CDKN2C: variants seen among roughly 807,000 people sequenced by gnomAD.
CDKN2C encodes the protein cyclin-dependent kinase 4 inhibitor C.
A neutral mutation model predicts 11.0 loss-of-function variants in CDKN2C; 5 were observed. The ratio of observed to expected loss-of-function variants is 0.45; its 90% confidence interval spans 0.24 to 0.95. The LOEUF (loss-of-function observed/expected upper bound fraction) is 0.95. Ranked by LOEUF, CDKN2C falls within the 40% of genes least tolerant of loss-of-function variation. The pLI is 0.21. For synonymous variants in CDKN2C, 79 were observed against 88.3 expected (o/e 0.89, Z 0.59); for missense variants, 161 against 211.9 (o/e 0.76, Z 1.49).
At chr1:50,964,056 G>C (rs1645336588) in intron 1 of CDKN2C, among the ~76,000 whole-genome samples, 1 of 151,898 alleles carries the variant, frequency 6.6e-6, no homozygotes, top group African/African-American at 2.4e-5. Flanking sequence ...AGACAGTACA[G>C]AATGTTCCTA....
At chr1:50,971,170 A>G (rs1057077101) in intron 1 of CDKN2C, among the ~76,000 whole-genome samples, 7 of 152,244 alleles carry the variant, frequency 4.6e-5, no homozygotes, top group Non-Finnish European at 8.8e-5. Flanking sequence ...TTAGATTTAC[A>G]GGCAACAATT....
At position 50,964,099 on chromosome 1, in the gene CDKN2C, C is replaced by T. The variant is rs897747830; in HGVS notation, c.-1976+3296C>T. On this transcript the variant is annotated intron_variant, in intron 1 of 3. Transcript: ENST00000262662. ...TTAGCCCATTTTTCTCTAATGTTAC[C>T]ATCTTATTTAACATGGTACATCTAT... Among the ~76,000 whole-genome samples, 6 of 151,836 alleles carry T rather than the reference C, an allele frequency of 4.0e-5. No individual in the cohort carries two copies. In the East Asian group the frequency reaches 1.2e-3, roughly 29 times the overall value.
intron 1 of CDKN2C, among the ~76,000 whole-genome samples, chr1:50,961,870 T>G (rs1430457558): frequency 6.6e-6 from 1 of 152,228 alleles, no homozygotes; most frequent in Non-Finnish European, 1.5e-5. Context: ...AATATATTCA[T>G]GAGAAATCAG....
chr1:50,971,577 A>C (rs1429275940), intron 1 of CDKN2C, among the ~76,000 whole-genome samples: 2 of 152,220 alleles, frequency 1.3e-5, no homozygotes, highest in Non-Finnish European at 2.9e-5. Context: ...TTGCTGCTAC[A>C]TTAAGTAATG....
Position 50,974,349 on chromosome 1 carries a change from TA to T in CDKN2C, c.*83del, listed in dbSNP as rs761322008. ...TCTCCTGACTTTTAATGTCATTTGT[TA>T]AAATACAGTTCTGTCATATGTTAAG... On this transcript the variant is annotated 3_prime_UTR_variant, in exon 2 of 2. Transcript: ENST00000371761. 1 of 1,398,640 alleles carries T rather than the reference TA, an allele frequency of 7.1e-7. No homozygotes were observed. The highest frequency in any genetic ancestry group is 9.6e-7 in the Non-Finnish European group (1 of 1,039,714). The allele number at this position is 1,398,640 out of a possible 1,614,324, so 86.6% of individuals were successfully genotyped here. A position where few individuals can be genotyped will look rare whatever the true frequency, so the allele number is the denominator to read the frequency against.
upstream of CDKN2C, among the ~76,000 whole-genome samples, chr1:50,966,068 A>C (rs1570199155): frequency 2.0e-5 from 3 of 151,560 alleles, no homozygotes; most frequent in African/African-American, 7.3e-5. Context: ...TGACTGAATC[A>C]CATTTCTATT....
At chr1:50,961,004 G>A (rs1194731125) in intron 1 of CDKN2C, among the ~76,000 whole-genome samples, 2 of 137,350 alleles carry the variant, frequency 1.5e-5, no homozygotes, top group Non-Finnish European at 3.1e-5. Context: ...TTTGAATATA[G>A]TCAGTCTATT....
chr1:50,969,274 G>C (rs1211903194), upstream of CDKN2C: 2 of 153,750 alleles, frequency 1.3e-5, no homozygotes, highest in Non-Finnish European at 2.9e-5. The surrounding 1 kb of genome is among the most constrained non-coding windows in gnomAD (Gnocchi z 6.6). Flanking sequence ...AAAGGACAGC[G>C]GCGGCAGCAG....
intron 1 of CDKN2C, 24 bp downstream of exon 1, chr1:50,970,521 AAAC>A (rs1645374242): frequency 1.9e-6 from 3 of 1,613,738 alleles, no homozygotes; most frequent in Middle Eastern, 1.6e-4. Context: ...GAGGTGGGGA[AAAC>A]AAGTCAATAA....
intron 1 of CDKN2C, among the ~76,000 whole-genome samples, chr1:50,963,865 T>G (rs1189159239): frequency 6.6e-6 from 1 of 152,184 alleles, no homozygotes; most frequent in Non-Finnish European, 1.5e-5. Context: ...AATTTATCTA[T>G]TCTCATAGTT....
At chr1:50,967,157 T>A (rs1645350617), upstream of CDKN2C, among the ~76,000 whole-genome samples, 1 of 152,220 alleles carries the variant, frequency 6.6e-6, no homozygotes, top group African/African-American at 2.4e-5. Flanking sequence ...TTCTCTTTTA[T>A]CAGCCAACAG....
At chr1:50,970,601 T>C (rs1645374552) in intron 1 of CDKN2C, 104 bp downstream of exon 1, 2 of 1,373,876 alleles carry the variant, frequency 1.5e-6, no homozygotes, top group Admixed American at 1.7e-5. Context: ...AAAATTTCAC[T>C]GTTTTTAAAC....
At chr1:50,965,617 G>A (rs779842838), upstream of CDKN2C, among the ~76,000 whole-genome samples, 3 of 152,126 alleles carry the variant, frequency 2.0e-5, no homozygotes, top group Admixed American at 6.5e-5. Flanking sequence ...GCTGAGGTAG[G>A]AGGGTCACTT....
upstream of CDKN2C, chr1:50,968,632 G>GCGAGCA (rs1264870264): frequency 6.6e-6 from 1 of 152,218 alleles, no homozygotes; most frequent in African/African-American, 2.4e-5. Flanking sequence ...GAGCGCGAGC[G>GCGAGCA]CCAGCAGGGC....
upstream of CDKN2C, chr1:50,969,782 C>T (rs1645369448): frequency 5.5e-6 from 1 of 182,502 alleles, no homozygotes; most frequent in African/African-American, 2.4e-5. This position sits in a 1 kb window ranked among gnomAD's most constrained non-coding sequence, Gnocchi z 6.6. Context: ...GCGGCGCTCT[C>T]CCAGCAGCGG....
upstream of CDKN2C, among the ~76,000 whole-genome samples, chr1:50,967,396 T>C (rs3176444): frequency 3.5e-4 from 54 of 152,244 alleles, 1 homozygote; most frequent in African/African-American, 1.3e-3. Context: ...CTAGTTTTTT[T>C]CTCAACAATT....
At position 50,973,923 on chromosome 1, in the gene CDKN2C, A is replaced by C. The variant is rs1180352152; in HGVS notation, c.160A>C (p.Arg54=). ...VMKLGNPEIA[R]RLLLRGANPD... is the part of the protein sequence containing the mutation. ...GAAACTTGGAAATCCCGAGATTGCC[A>C]GGAGACTGCTACTTAGAGGTGCTAA... is the stretch of plus-strand genomic sequence containing the variant. Residue 54 remains arginine, a synonymous_variant, in exon 2 of 2, where the codon AGG becomes CGG. Coordinates refer to ENST00000371761, the MANE Select transcript of CDKN2C (RefSeq NM_078626.3). 6.2e-7 allele frequency: 1 copy of C among 1,614,208 alleles called. No homozygotes were observed. Among genetic ancestry groups the C allele is most frequent in the East Asian group, 2.2e-5 (1 of 44,888 alleles).
upstream of CDKN2C, among the ~76,000 whole-genome samples, chr1:50,967,136 A>G (rs1002637494): frequency 1.3e-5 from 2 of 152,244 alleles, no homozygotes; most frequent in Admixed American, 6.5e-5. Context: ...CATAAATTGG[A>G]CTAATACCAG....
At chr1:50,972,929 T>C (rs1645388306) in intron 1 of CDKN2C, among the ~76,000 whole-genome samples, 1 of 152,166 alleles carries the variant, frequency 6.6e-6, no homozygotes, top group Admixed American at 6.5e-5. Flanking sequence ...GCTGTCCGTG[T>C]CCCAAAACAC....
Sources: allele counts gnomAD v4.1 joint callset (sites outside exome capture counted in the v4.1 genomes callset), GRCh38; gene constraint gnomAD v4.1.1; non-coding constraint Gnocchi (gnomAD v3.1); transcripts MANE v1.5; gene names NCBI Gene and HGNC (gene_info 2026-07-23, HGNC 2026-07-21).